Variants in KIAA1549L observed in about 807,000 individuals in gnomAD.
KIAA1549L encodes the protein KIAA1549 like.
KIAA1549L carries 88 observed loss-of-function variants against 160.7 expected under a neutral mutation model. That is an observed-to-expected ratio of 0.55 (90% CI 0.46 to 0.65). The LOEUF is 0.65. Among genes scored for constraint, KIAA1549L ranks in the 30% least tolerant of loss-of-function variants. The pLI, the probability that KIAA1549L is intolerant of heterozygous loss-of-function variation, is 0.00. For synonymous variants in KIAA1549L, 950 were observed against 976.7 expected (o/e 0.97, Z 0.51); for missense variants, 2,258 against 2,437.5 (o/e 0.93, Z 1.55).
chr11:33,470,863 C>G (rs931781665), intron 1 of KIAA1549L, among the ~76,000 whole-genome samples: 3 of 152,190 alleles, frequency 2.0e-5, no homozygotes. Context: ...GAGAGAGAAG[C>G]TTTTAATGCT....
chr11:33,421,844 AG>A (rs1226469974), intron 1 of KIAA1549L, among the ~76,000 whole-genome samples: 4 of 152,126 alleles, frequency 2.6e-5, no homozygotes, highest in African/African-American at 9.7e-5. Flanking sequence ...CAATTACTGG[AG>A]GGTTTGTTAA....
intron 20 of KIAA1549L, chr11:33,665,658 C>T (rs1386598040): frequency 6.6e-6 from 1 of 152,394 alleles, no homozygotes; most frequent in Non-Finnish European, 1.5e-5. Flanking sequence ...GGCAGGTGGC[C>T]CCCAACCTTC....
At chr11:33,496,947 C>G (rs1489881416) in intron 1 of KIAA1549L, among the ~76,000 whole-genome samples, 1 of 152,188 alleles carries the variant, frequency 6.6e-6, no homozygotes, top group Admixed American at 6.5e-5. Context: ...AGCCTCCTTT[C>G]AACCTCATTT....
chr11:33,432,566 A>G (rs578111936), intron 1 of KIAA1549L, among the ~76,000 whole-genome samples: 2 of 152,342 alleles, frequency 1.3e-5, no homozygotes, highest in East Asian at 3.9e-4. Flanking sequence ...GGAAATAAAC[A>G]TATCTTTTCC....
intron 1 of KIAA1549L, among the ~76,000 whole-genome samples, chr11:33,472,937 A>C (rs1352329970): frequency 6.6e-6 from 1 of 152,158 alleles, no homozygotes; most frequent in Admixed American, 6.5e-5. Flanking sequence ...TTGGTGCTCC[A>C]GCTTCCAATG....
intron 1 of KIAA1549L, among the ~76,000 whole-genome samples, chr11:33,463,401 A>T (rs1851982009): frequency 6.6e-6 from 1 of 152,196 alleles, no homozygotes; most frequent in South Asian, 2.1e-4. Flanking sequence ...ATTGAAAAAA[A>T]AAAGTAGTGT....
chr11:33,548,124 G>T (rs988515665), intron 4 of KIAA1549L, among the ~76,000 whole-genome samples: 2 of 152,228 alleles, frequency 1.3e-5, no homozygotes, highest in African/African-American at 4.8e-5. Context: ...ATATTGGCCA[G>T]GTGGGTGGCT....
In KIAA1549L at chr11:33,646,032, G is replaced by T; in HGVS notation, c.5756G>T (p.Arg1919Leu). The change falls in exon 17 of 21, where the codon CGG (arginine) becomes CTG (leucine). Residue 1919 changes from arginine (R) to leucine (L), a missense_variant. By Grantham distance (102) the Arg-to-Leu change is moderately radical. Transcript: ENST00000658780. ...RPEMYQYSLP[R>L]PAYRFSQLPE... is the part of the protein sequence containing the mutation. ...GAAATGTATCAGTACAGTCTGCCCC[G>T]GCCGGTAAGTCATTCATTCCACCCA... 1 of 1,556,612 alleles carries T rather than the reference G, an allele frequency of 6.4e-7. No homozygotes were observed. The highest frequency in any genetic ancestry group is 8.7e-7 in the Non-Finnish European group (1 of 1,149,238).
intron 1 of KIAA1549L, among the ~76,000 whole-genome samples, chr11:33,538,180 AACTC>A (rs1853935458): frequency 6.6e-6 from 1 of 152,202 alleles, no homozygotes; most frequent in African/African-American, 2.4e-5. Flanking sequence ...ATCTCGTGAG[AACTC>A]ACTCACTATC....
chr11:33,563,348 C>CAAA (rs68027285), intron 8 of KIAA1549L, among the ~76,000 whole-genome samples: 2 of 95,906 alleles, frequency 2.1e-5, no homozygotes, highest in African/African-American at 4.4e-5. Context: ...GACCGTGTCT[C>CAAA]AAAAAAAAAA....
chr11:33,559,687 A>G (rs1854772711), intron 6 of KIAA1549L, 62 bp from the exon 7 acceptor site: 1 of 1,494,836 alleles, frequency 6.7e-7, no homozygotes, highest in Non-Finnish European at 9.3e-7. Context: ...CATGGCCTCC[A>G]TGAAACACAC....
chr11:33,573,155 A>G (rs1473565284), intron 9 of KIAA1549L, among the ~76,000 whole-genome samples: 2 of 152,236 alleles, frequency 1.3e-5, no homozygotes, highest in Non-Finnish European at 2.9e-5. Context: ...TATGTATAGC[A>G]TATACACAAA....
intron 1 of KIAA1549L, among the ~76,000 whole-genome samples, chr11:33,429,045 CAG>C (rs987974795): frequency 1.3e-5 from 2 of 152,208 alleles, no homozygotes; most frequent in Non-Finnish European, 2.9e-5. Context: ...AATCTCGACT[CAG>C]TGCAACCTCC....
intron 1 of KIAA1549L, among the ~76,000 whole-genome samples, chr11:33,530,725 C>T (rs1355674348): frequency 1.4e-4 from 22 of 151,924 alleles, no homozygotes; most frequent in Admixed American, 1.4e-3. Flanking sequence ...TGTGGCCGCC[C>T]TACCTGCTGC....
chr11:33,610,254 T>C (rs1453837605), intron 15 of KIAA1549L, among the ~76,000 whole-genome samples: 3 of 152,218 alleles, frequency 2.0e-5, no homozygotes, highest in African/African-American at 7.2e-5. Context: ...ATGAAGATTA[T>C]AATTATCACC....
intron 15 of KIAA1549L, among the ~76,000 whole-genome samples, chr11:33,617,829 ATAGG>A (rs1438226308): frequency 6.8e-6 from 1 of 147,318 alleles, no homozygotes; most frequent in East Asian, 2.0e-4. Flanking sequence ...GGATGGATGG[ATAGG>A]TAGGTGGGTG....
chr11:33,665,804 G>T (rs948930561), intron 20 of KIAA1549L, among the ~76,000 whole-genome samples: 2 of 152,148 alleles, frequency 1.3e-5, no homozygotes, highest in Non-Finnish European at 2.9e-5. Flanking sequence ...AGAAATCAGA[G>T]CCCCTACAGG....
At chr11:33,632,372 C>G (rs1010545192) in intron 16 of KIAA1549L, among the ~76,000 whole-genome samples, 6 of 152,206 alleles carry the variant, frequency 3.9e-5, no homozygotes, top group Admixed American at 3.3e-4. Context: ...CATCATATGC[C>G]AAGTGTCCAG....
At chr11:33,665,933 G>T (rs1852434177) in intron 20 of KIAA1549L, among the ~76,000 whole-genome samples, 1 of 152,218 alleles carries the variant, frequency 6.6e-6, no homozygotes, top group South Asian at 2.1e-4. Flanking sequence ...GAGGGTGGCT[G>T]CAGCTGCACC....
Sources: gnomAD v4.1 joint callset for allele counts (sites outside exome capture counted in the v4.1 genomes callset) on GRCh38, gnomAD v4.1.1 for gene constraint, MANE v1.5 for transcripts, NCBI Gene and HGNC (gene_info 2026-07-23, HGNC 2026-07-21) for gene names.